MEGF11: variants seen among roughly 807,000 people sequenced by gnomAD.
MEGF11 encodes multiple epidermal growth factor-like domains protein 11.
MEGF11 carries 126 observed loss-of-function variants against 146.6 expected under a neutral mutation model. The observed-to-expected ratio is 0.86, with a 90% CI of 0.74 to 1.00. The LOEUF (loss-of-function observed/expected upper bound fraction) is 1.00. Ranked by LOEUF, MEGF11 falls within the 50% of genes least tolerant of loss-of-function variation. The pLI, the probability that MEGF11 is intolerant of heterozygous loss-of-function variation, is 0.00. For missense variants in MEGF11, 1,509 were observed against 1,521.2 expected (o/e 0.99, Z 0.13); for synonymous variants, 532 against 583.4 (o/e 0.91, Z 1.27).
chr15:65,946,610 C>G (rs867215083), intron 10 of MEGF11, among the ~76,000 whole-genome samples: 2 of 152,192 alleles, frequency 1.3e-5, no homozygotes, highest in East Asian at 1.9e-4. Context: ...CCAGGCTGCT[C>G]TCGAACTCCT....
At chr15:66,177,587 C>T (rs2090419514) in intron 1 of MEGF11, among the ~76,000 whole-genome samples, 1 of 151,854 alleles carries the variant, frequency 6.6e-6, no homozygotes, top group African/African-American at 2.4e-5. Flanking sequence ...TTAACTTTAC[C>T]TCCACCAAAG....
rs2079227121 is a variant in MEGF11 at position 65,922,929 on chromosome 15, G to T, written c.1716C>A (p.Gly572=). The change falls in exon 14 of 26, where the codon GGC becomes GGA. Residue 572 remains glycine (G), a synonymous_variant. Coordinates refer to ENST00000395614, the MANE Select transcript of MEGF11 (RefSeq NM_001385028.1). ...AGCTGCAGGAGACAGAGCAGTTGGG[G>T]CCCCAGCGGCCAGGTGGACACGTGC... is the stretch of plus-strand genomic sequence containing the variant. ...CDSTCPPGRW[G]PNCSVSCSCE... The T allele has an allele frequency of 6.2e-7, 1 of 1,613,138 alleles. No homozygotes were observed. The highest frequency in any genetic ancestry group is 8.5e-7 in the Non-Finnish European group (1 of 1,179,712).
chr15:66,012,376 T>A (rs1330221621), intron 5 of MEGF11, among the ~76,000 whole-genome samples: 1 of 152,204 alleles, frequency 6.6e-6, no homozygotes, highest in Non-Finnish European at 1.5e-5. Flanking sequence ...TGGCAGGTGC[T>A]GGAGCTAGGC....
chr15:66,202,411 G>A (rs1003029601), intron 1 of MEGF11, among the ~76,000 whole-genome samples: 4 of 152,170 alleles, frequency 2.6e-5, no homozygotes, highest in African/African-American at 9.7e-5. Flanking sequence ...TGCTAAGGTT[G>A]GGCTCCGTTC....
chr15:66,088,066 C>T (rs927301473), intron 5 of MEGF11, among the ~76,000 whole-genome samples: 1 of 152,186 alleles, frequency 6.6e-6, no homozygotes, highest in Admixed American at 6.5e-5. Context: ...ACATAAACTA[C>T]AAAACCTAGA....
At chr15:66,243,528 C>G (rs1368044727) in intron 1 of MEGF11, among the ~76,000 whole-genome samples, 1 of 152,142 alleles carries the variant, frequency 6.6e-6, no homozygotes, top group Non-Finnish European at 1.5e-5. Context: ...ATAACAAGGC[C>G]ACGATCACTG....
chr15:66,127,150 C>A (rs1263733007), intron 2 of MEGF11, among the ~76,000 whole-genome samples: 1 of 152,244 alleles, frequency 6.6e-6, no homozygotes, highest in African/African-American at 2.4e-5. Context: ...CGTTCAGAGA[C>A]TTCCCCAGAG....
chr15:65,955,282 A>G (rs1318519469), intron 10 of MEGF11, among the ~76,000 whole-genome samples: 2 of 152,198 alleles, frequency 1.3e-5, no homozygotes, highest in Non-Finnish European at 2.9e-5. Flanking sequence ...CAAAAAATGT[A>G]CACTAACAAA....
chr15:65,947,456 G>A (rs773161440), intron 10 of MEGF11, among the ~76,000 whole-genome samples: 19 of 152,180 alleles, frequency 1.2e-4, no homozygotes, highest in Non-Finnish European at 2.8e-4. Flanking sequence ...CAAGCTGTTG[G>A]GAAGGATGGG....
chr15:66,112,972 T>G (rs566067466), intron 4 of MEGF11, among the ~76,000 whole-genome samples: 39 of 152,238 alleles, frequency 2.6e-4, no homozygotes, highest in African/African-American at 9.2e-4. Flanking sequence ...GCAAAGGAAT[T>G]AGGAAACATA....
intron 1 of MEGF11, among the ~76,000 whole-genome samples, chr15:66,233,390 C>T (rs886700565): frequency 1.3e-5 from 2 of 152,112 alleles, no homozygotes; most frequent in Non-Finnish European, 2.9e-5. Context: ...TGCCCACCAC[C>T]ACACCAGGCT....
At chr15:66,140,270 A>G (rs748422552) in intron 1 of MEGF11, among the ~76,000 whole-genome samples, 19 of 152,232 alleles carry the variant, frequency 1.2e-4, no homozygotes, top group Non-Finnish European at 1.8e-4. Context: ...CAGGAAAGGA[A>G]AAGGGCACAA....
intron 1 of MEGF11, among the ~76,000 whole-genome samples, chr15:66,205,893 A>C (rs973779295): frequency 6.6e-6 from 1 of 152,246 alleles, no homozygotes; most frequent in Non-Finnish European, 1.5e-5. Flanking sequence ...AGGTTTCAAT[A>C]CAAAATCACT....
At chr15:66,070,701 G>A (rs1190792796) in intron 5 of MEGF11, among the ~76,000 whole-genome samples, 2 of 151,928 alleles carry the variant, frequency 1.3e-5, no homozygotes, top group Non-Finnish European at 2.9e-5. Context: ...CCGCAGCAGC[G>A]GGGAGGCCTT....
rs956733705 is a variant in MEGF11, at chr15:66,022,673, T to A, written c.395-40185A>T. On this transcript the variant is annotated intron_variant, in intron 5 of 25. Coordinates refer to ENST00000395614, the MANE Select transcript of MEGF11 (RefSeq NM_001385028.1). ...GATCCTATCTCCACAAAAAATTTTT[T>A]AAAAAATTAGCTGAGGCGTGGTGGC... Among the ~76,000 whole-genome samples the A allele has an allele frequency of 7.3e-5, 11 of 150,968 alleles. No individual in the cohort carries two copies. The East Asian group carries it at 1.8e-3, about 24-fold the overall frequency.
At chr15:66,152,940 T>C (rs1385684416) in intron 1 of MEGF11, among the ~76,000 whole-genome samples, 1 of 152,204 alleles carries the variant, frequency 6.6e-6, no homozygotes, top group Non-Finnish European at 1.5e-5. Flanking sequence ...CTGGGCCTTG[T>C]GTGTACTGCC....
At chr15:66,252,374 A>G (rs968241600) in intron 1 of MEGF11, among the ~76,000 whole-genome samples, 14 of 152,108 alleles carry the variant, frequency 9.2e-5, no homozygotes, top group African/African-American at 3.1e-4. Context: ...GCCTCCTCCA[A>G]CCCGCCGCAG....
chr15:66,197,583 C>T (rs1428918960), intron 1 of MEGF11, among the ~76,000 whole-genome samples: 11 of 152,200 alleles, frequency 7.2e-5, no homozygotes, highest in South Asian at 2.1e-4. Flanking sequence ...CCACCATGCC[C>T]GGCTAATTTT....
intron 1 of MEGF11, among the ~76,000 whole-genome samples, chr15:66,132,662 T>A (rs4776741): frequency 0.56 from 84,839 of 152,006 alleles, 26,291 homozygotes; most frequent in South Asian, 0.75. Context: ...GTGGGAAAGC[T>A]TGCCAGGATT....
Sources: gnomAD v4.1 joint callset for allele counts (sites outside exome capture counted in the v4.1 genomes callset) on GRCh38, gnomAD v4.1.1 for gene constraint, MANE v1.5 for transcripts, NCBI Gene and HGNC (gene_info 2026-07-23, HGNC 2026-07-21) for gene names.